Variants in ZNF638 observed in about 807,000 individuals in gnomAD.
ZNF638 encodes the protein zinc finger protein 638, also known as CTCL tumor antigen se33-1.
In ZNF638, 46 loss-of-function variants were observed where a neutral mutation model predicts 195.6. The ratio of observed to expected loss-of-function variants is 0.24; its 90% CI spans 0.19 to 0.30. The LOEUF is 0.30. ZNF638 is among the 10% of genes least tolerant of loss of function. ZNF638 has a pLI of 1.00. For missense variants in ZNF638, 2,440 were observed against 2,325.3 expected (o/e 1.05, Z -1.01); for synonymous variants, 845 against 772.0 (o/e 1.09, Z -1.57).
At chr2:71,382,133 C>T (rs1412723411) in intron 10 of ZNF638, among the ~76,000 whole-genome samples, 1 of 152,020 alleles carries the variant, frequency 6.6e-6, no homozygotes, top group Non-Finnish European at 1.5e-5. Flanking sequence ...ATAGGTTTTA[C>T]TAAGAGTGCG....
Position 71,349,729 on chromosome 2 carries a change from T to G in ZNF638, c.775T>G (p.Cys259Gly), listed in dbSNP as rs765285220. ...ATCTGTTCCCAATCCAAATGTGATA[T>G]GTAATTCTATGTTTCCTGTTGAAGA... ...SASVPNPNVI[C>G]NSMFPVEDVF... The change falls in exon 2 of 28, where the codon TGT becomes GGT. Residue 259 changes from cysteine (C) to glycine (G), a missense_variant. Coordinates refer to ENST00000264447, the MANE Select transcript of ZNF638 (RefSeq NM_014497.5). The G allele has an allele frequency of 1.2e-6, 2 of 1,614,202 alleles. No individual in the cohort carries two copies. The highest frequency in any genetic ancestry group is 2.2e-5 in the South Asian group (2 of 91,082).
chr2:71,378,060 G>A (rs956873395), intron 8 of ZNF638, among the ~76,000 whole-genome samples: 3 of 152,196 alleles, frequency 2.0e-5, no homozygotes, highest in Admixed American at 1.3e-4. Flanking sequence ...ACATTAAAAT[G>A]AAGATCTTAA....
chr2:71,362,274 C>G (rs1046314341), intron 3 of ZNF638, among the ~76,000 whole-genome samples: 15 of 151,978 alleles, frequency 9.9e-5, no homozygotes, highest in Non-Finnish European at 2.1e-4. Context: ...TTCCTATAAA[C>G]TTCATCTTGT....
At chr2:71,411,446 T>A (rs867005283) in intron 20 of ZNF638, among the ~76,000 whole-genome samples, 4 of 106,520 alleles carry the variant, frequency 3.8e-5, no homozygotes, top group African/African-American at 6.7e-5. Flanking sequence ...TTTTATTTTT[T>A]TTATTTATTT....
chr2:71,424,679 T>G lies in ZNF638; in HGVS notation c.4554T>G (p.Pro1518=). The change falls in exon 23 of 28, where the codon CCT becomes CCG. Residue 1518 remains proline (P), a synonymous_variant. Transcript: ENST00000264447. ...KTLAEQNTKN[P]KSTTGRSSKS... is the part of the protein sequence containing the mutation. ...TGGCTGAGCAAAACACTAAGAATCC[T>G]AAAAGCACTACTGGTAGAAGTTCCA... is the stretch of plus-strand genomic sequence containing the variant. 6.2e-7 allele frequency: 1 copy of G among 1,613,472 alleles called. No individual in the cohort carries two copies. Among genetic ancestry groups the G allele is most frequent in the Non-Finnish European group, 8.5e-7 (1 of 1,179,778 alleles).
rs13408555 is a variant in ZNF638, at chr2:71,339,662, T to C, written c.-203+7787T>C. On this transcript the variant is annotated intron_variant, in intron 1 of 27. Coordinates refer to ENST00000264447, the MANE Select transcript of ZNF638 (RefSeq NM_014497.5). ...TGCTTACCTCTGTTCCAGTGGCTTT[T>C]GTTGTTGTTGTTGTTTTATGGTGCA... 1.5e-3 allele frequency among the ~76,000 whole-genome samples: 229 copies of C among 152,092 alleles called. 1 individual carries two copies. Among genetic ancestry groups the C allele is most frequent in the African/African-American group, 5.1e-3 (213 of 41,412 alleles).
intron 10 of ZNF638, among the ~76,000 whole-genome samples, chr2:71,390,312 C>T (rs1001029476): frequency 6.6e-6 from 1 of 152,178 alleles, no homozygotes; most frequent in African/African-American, 2.4e-5. Flanking sequence ...TCTGGGAGCG[C>T]AGGATTGGGC....
chr2:71,396,946 C>T (rs943121717), intron 11 of ZNF638, among the ~76,000 whole-genome samples: 9 of 151,924 alleles, frequency 5.9e-5, no homozygotes, highest in Non-Finnish European at 1.2e-4. Context: ...GACTCTGTCT[C>T]AAATAAATAA....
At chr2:71,363,102 C>A in intron 3 of ZNF638, 51 bp from the exon 4 acceptor site, 2 of 1,314,324 alleles carry the variant, frequency 1.5e-6, no homozygotes, top group Non-Finnish European at 2.2e-6. Context: ...ATTAATTGAG[C>A]CTTACAGTCT....
Position 71,423,047 on chromosome 2 carries a change from T to C in ZNF638, c.3533T>C (p.Ile1178Thr). 1 of 1,614,118 alleles carries C rather than the reference T, an allele frequency of 6.2e-7. No individual in the cohort carries two copies. The highest frequency in any genetic ancestry group is 8.5e-7 in the Non-Finnish European group (1 of 1,179,992). The change falls in exon 22 of 28, where the codon ATT becomes ACT. Residue 1178 changes from isoleucine (I) to threonine (T), a missense_variant. By Grantham distance (89) the Ile-to-Thr change is moderately conservative. Transcript: ENST00000264447. ...ETQGEEVKEE[I>T]PLVASASVSI... ...CAAGGAGAGGAGGTCAAAGAAGAAA[T>C]TCCTCTTGTAGCATCCGCTTCAGTC...
chr2:71,382,794 A>G (rs1273003531), intron 10 of ZNF638, among the ~76,000 whole-genome samples: 1 of 152,234 alleles, frequency 6.6e-6, no homozygotes, highest in Non-Finnish European at 1.5e-5. Flanking sequence ...AAGCTAAAGC[A>G]GAACCAGGGT....
intron 1 of ZNF638, among the ~76,000 whole-genome samples, chr2:71,337,051 AAAG>A (rs1315172427): frequency 6.6e-6 from 1 of 152,178 alleles, no homozygotes; most frequent in Non-Finnish European, 1.5e-5. Context: ...ATGATGTAGA[AAAG>A]AAGGGCCAAA....
chr2:71,333,484 G>A (rs1261676692), intron 1 of ZNF638, among the ~76,000 whole-genome samples: 2 of 152,164 alleles, frequency 1.3e-5, no homozygotes, highest in African/African-American at 4.8e-5. Context: ...TTGTTTTGGA[G>A]GGTGTATACG....
chr2:71,355,840 A>T (rs2079014542), intron 3 of ZNF638, 60 bp downstream of exon 3: 14 of 1,002,754 alleles, frequency 1.4e-5, no homozygotes, highest in Non-Finnish European at 2.1e-5. Flanking sequence ...TAATGTTCAG[A>T]TGTGACTGTT....
At chr2:71,419,974 C>CCCCCCT (rs1189202093) in intron 21 of ZNF638, among the ~76,000 whole-genome samples, 2 of 27,022 alleles carry the variant, frequency 7.4e-5, no homozygotes, top group Non-Finnish European at 1.2e-4. Flanking sequence ...CCCCCCCCGC[C>CCCCCCT]TTTTTTTTTT....
chr2:71,350,879 G>A (rs2078928318), intron 2 of ZNF638, among the ~76,000 whole-genome samples: 2 of 152,154 alleles, frequency 1.3e-5, no homozygotes, highest in African/African-American at 4.8e-5. Context: ...AGTGTAAAAT[G>A]ATAGAAATTT....
intron 23 of ZNF638, among the ~76,000 whole-genome samples, chr2:71,425,231 T>C (rs899349097): frequency 6.6e-6 from 1 of 152,242 alleles, no homozygotes; most frequent in African/African-American, 2.4e-5. Context: ...TTTTTTTCAG[T>C]CATTTTACTT....
chr2:71,434,348 G>A (rs946681998), intron 27 of ZNF638, among the ~76,000 whole-genome samples: 2 of 152,144 alleles, frequency 1.3e-5, no homozygotes, highest in Non-Finnish European at 2.9e-5. Flanking sequence ...AGAAAGGTCT[G>A]CTTAAGAAAG....
At chr2:71,332,160 C>A (rs982507317) in intron 1 of ZNF638, among the ~76,000 whole-genome samples, 2 of 152,240 alleles carry the variant, frequency 1.3e-5, no homozygotes, top group African/African-American at 4.8e-5. Flanking sequence ...GAAGAGCTGC[C>A]TGACGCCGTT....
Sources: allele counts gnomAD v4.1 joint callset (sites outside exome capture counted in the v4.1 genomes callset), GRCh38; gene constraint gnomAD v4.1.1; transcripts MANE v1.5; gene names NCBI Gene and HGNC (gene_info 2026-07-23, HGNC 2026-07-21).